USPL1: variants seen among roughly 807,000 people sequenced by gnomAD.
USPL1 encodes the protein ubiquitin specific peptidase like 1.
USPL1 carries 27 observed loss-of-function variants against 51.5 expected under a neutral mutation model. The ratio of observed to expected loss-of-function variants is 0.52; its 90% CI spans 0.39 to 0.72. The LOEUF (loss-of-function observed/expected upper bound fraction) is 0.72. Ranked by LOEUF, USPL1 falls within the 30% of genes least tolerant of loss-of-function variation. The pLI is 0.00. For synonymous variants in USPL1, 451 were observed against 459.6 expected, an observed-to-expected ratio of 0.98 and a Z score of 0.24; for missense variants, 1,226 against 1,268.0, an observed-to-expected ratio of 0.97 and a Z score of 0.50.
chr13:30,631,609 T>G, intron 4 of USPL1, 135 bp downstream of exon 4: 12 of 802,880 alleles, frequency 1.5e-5, no homozygotes, highest in Non-Finnish European at 2.1e-5. Flanking sequence ...CAGGTGGGCC[T>G]CCCACCTCAG....
At chr13:30,640,410 C>G (rs1358233722) in intron 5 of USPL1, among the ~76,000 whole-genome samples, 5 of 152,142 alleles carry the variant, frequency 3.3e-5, no homozygotes, top group Non-Finnish European at 7.3e-5. Context: ...TATTTTATGG[C>G]TGGGCCCGGT....
At chr13:30,624,473 C>T (rs1416270348) in intron 3 of USPL1, among the ~76,000 whole-genome samples, 1 of 152,038 alleles carries the variant, frequency 6.6e-6, no homozygotes, top group Non-Finnish European at 1.5e-5. Flanking sequence ...TTTAAATTAG[C>T]TGGGCATGGT....
In USPL1 at chr13:30,642,784, G is replaced by C. The variant is rs546974469; in HGVS notation, c.1112+27G>C. 5.1e-5 allele frequency: 81 copies of C among 1,600,372 alleles called. No individual in the cohort carries two copies. The South Asian group carries it at 7.5e-4, about 15-fold the overall frequency. ...TTAGTTTCTTTTGTTTTTTAAAATG[G>C]GTTCTTCTAGTTTCTCCACCACTAA... On this transcript the variant is annotated intron_variant, in intron 6 of 8. Coordinates refer to ENST00000255304, the MANE Select transcript of USPL1 (RefSeq NM_005800.5).
At chr13:30,633,737 C>T (rs575807028) in intron 4 of USPL1, among the ~76,000 whole-genome samples, 9 of 147,764 alleles carry the variant, frequency 6.1e-5, no homozygotes, top group South Asian at 2.1e-4. Flanking sequence ...CCTGGGATCA[C>T]GCCACTGCAC....
At position 30,658,498 on chromosome 13, in the gene USPL1, G is replaced by A; in HGVS notation, c.2421G>A (p.Lys807=). ...TTAAAACTAAAGGTATAAACCAGAA[G>A]GCCAGCCACGTATCCAAGAAAGCTC... ...GGFKTKGINQ[K]ASHVSKKARK... is the part of the protein sequence containing the mutation. Residue 807 remains lysine, a synonymous_variant, in exon 9 of 9, where the codon AAG becomes AAA. Coordinates refer to ENST00000255304, the MANE Select transcript of USPL1 (RefSeq NM_005800.5). 1.2e-6 allele frequency: 2 copies of A among 1,613,954 alleles called. No homozygotes were observed. The highest frequency in any genetic ancestry group is 1.7e-6 in the Non-Finnish European group (2 of 1,180,026).
At chr13:30,653,913 C>T (rs1951125188) in intron 8 of USPL1, among the ~76,000 whole-genome samples, 1 of 152,156 alleles carries the variant, frequency 6.6e-6, no homozygotes, top group Non-Finnish European at 1.5e-5. Context: ...TTGATAAGGG[C>T]TCACTTTGAT....
chr13:30,635,096 G>T (rs532751791), intron 4 of USPL1, among the ~76,000 whole-genome samples: 44 of 152,308 alleles, frequency 2.9e-4, no homozygotes, highest in African/African-American at 9.9e-4. Flanking sequence ...AGTTACATCA[G>T]ATGTGTTGCT....
intron 3 of USPL1, among the ~76,000 whole-genome samples, chr13:30,629,001 T>C (rs546403505): frequency 1.4e-4 from 22 of 152,352 alleles, no homozygotes; most frequent in Middle Eastern, 3.4e-3. Context: ...CAAAGCATCA[T>C]GTTGACAGGT....
intron 3 of USPL1, among the ~76,000 whole-genome samples, chr13:30,627,240 A>G (rs1358247554): frequency 6.6e-6 from 1 of 152,214 alleles, no homozygotes; most frequent in Non-Finnish European, 1.5e-5. Flanking sequence ...AAAATGATAC[A>G]TGTTCACTGT....
At chr13:30,651,256 TAAG>T (rs1222056073) in intron 7 of USPL1, among the ~76,000 whole-genome samples, 2 of 152,204 alleles carry the variant, frequency 1.3e-5, no homozygotes, top group Non-Finnish European at 2.9e-5. Context: ...TTTTGCTGGT[TAAG>T]AAAATCAAAT....
chr13:30,644,116 C>T lies in USPL1; in HGVS notation c.1112+1359C>T, dbSNP rs915594560. 1.3e-4 allele frequency among the ~76,000 whole-genome samples: 19 copies of T among 151,680 alleles called. 1 individual carries two copies. Among genetic ancestry groups the T allele is most frequent in the African/African-American group, 4.6e-4 (19 of 41,300 alleles). On this transcript the variant is annotated intron_variant, in intron 6 of 8. Transcript: ENST00000255304. ...TGGCCAACATGGTGAAACGCTGTCT[C>T]TACTGAAAATACAAAAATTAGCCGG...
Position 30,657,581 on chromosome 13 carries a change from T to A in USPL1, c.1504T>A (p.Ser502Thr). The A allele has an allele frequency of 6.2e-7, 1 of 1,614,128 alleles. No homozygotes were observed. Among genetic ancestry groups the A allele is most frequent in the South Asian group, 1.1e-5 (1 of 91,078 alleles). ...TATTGTTATTTGGGAAAGAAAAATA[T>A]CCCAAGTGACAGATAAAGAAGCTGC... ...IHIVIWERKISQVTDKEAACL... is the reference protein window; with the variant it reads ...IHIVIWERKITQVTDKEAACL... The change falls in exon 9 of 9, where the codon TCC becomes ACC. Residue 502 changes from serine (S) to threonine (T), a missense_variant. Ser to Thr is a moderately conservative substitution (Grantham distance 58). Transcript: ENST00000255304.
intron 6 of USPL1, 77 bp downstream of exon 6, chr13:30,642,834 A>G (rs889367327): frequency 4.6e-6 from 7 of 1,518,080 alleles, no homozygotes; most frequent in Non-Finnish European, 6.2e-6. Context: ...TTTGAGCACC[A>G]GACACTACAG....
chr13:30,643,679 G>C (rs1027597531), intron 6 of USPL1, among the ~76,000 whole-genome samples: 113 of 133,234 alleles, frequency 8.5e-4, no homozygotes, highest in Non-Finnish European at 1.3e-3. Context: ...GCGTGATCCC[G>C]GCTCACTGCA....
chr13:30,624,661 G>A (rs1349489833), intron 3 of USPL1, among the ~76,000 whole-genome samples: 1 of 152,114 alleles, frequency 6.6e-6, no homozygotes. Context: ...TCCAGGAAAG[G>A]CTATGAAGAG....
In USPL1 at chr13:30,656,784, G is replaced by T. The variant is rs1159549418; in HGVS notation, c.1397-690G>T. On this transcript the variant is annotated intron_variant, in intron 8 of 8. Transcript: ENST00000255304. Reference sequence around the variant, plus strand: ...GTTGTACTATTTTACATCCCCACCAGCGTTACACAAGGATTCCAATTTCTC... The same window carrying T: ...GTTGTACTATTTTACATCCCCACCATCGTTACACAAGGATTCCAATTTCTC... 2.0e-5 allele frequency among the ~76,000 whole-genome samples: 3 copies of T among 151,918 alleles called. No individual in the cohort carries two copies. In the East Asian group the frequency reaches 5.8e-4, roughly 29 times the overall value.
In USPL1 at chr13:30,658,789, T is replaced by C. The variant is rs773197756; in HGVS notation, c.2712T>C (p.Ala904=). 31 of 1,613,988 alleles carry C rather than the reference T, an allele frequency of 1.9e-5. No homozygotes were observed. In the South Asian group the frequency reaches 3.2e-4, roughly 17 times the overall value. ...KKLKAEKKKL[A]ALMSSPQSRT... is the part of the protein sequence containing the mutation. ...TAAAGGCAGAAAAGAAGAAATTAGC[T>C]GCTCTTATGTCTTCCCCGCAAAGCA... The change falls in exon 9 of 9, where the codon GCT becomes GCC. Residue 904 remains alanine (A), a synonymous_variant. Coordinates refer to ENST00000255304, the MANE Select transcript of USPL1 (RefSeq NM_005800.5).
At position 30,631,394 on chromosome 13, in the gene USPL1, A is replaced by C. The variant is rs1405083782; in HGVS notation, c.788A>C (p.Glu263Ala). The change falls in exon 4 of 9, where the codon GAA becomes GCA. Residue 263 changes from glutamate to alanine, a missense_variant. Glu to Ala is a moderately radical substitution (Grantham distance 107). Coordinates refer to ENST00000255304, the MANE Select transcript of USPL1 (RefSeq NM_005800.5). ...NTVTGLCSKEESIFWRLLTKY... is the reference protein window; with the variant it reads ...NTVTGLCSKEASIFWRLLTKY... ...GTGACTGGACTGTGCTCGAAGGAGG[A>C]ATCTATATTCTGGCGGTTGCTTACA... 1 of 1,614,250 alleles carries C rather than the reference A, an allele frequency of 6.2e-7. No individual in the cohort carries two copies.
At chr13:30,647,193 G>A (rs1951029323) in intron 7 of USPL1, 136 bp downstream of exon 7, 1 of 1,026,992 alleles carries the variant, frequency 9.7e-7, no homozygotes, top group Non-Finnish European at 1.4e-6. Flanking sequence ...TGGGTTGCCA[G>A]CTGCCTCGCT....
Sources: allele counts gnomAD v4.1 joint callset (sites outside exome capture counted in the v4.1 genomes callset), GRCh38; gene constraint gnomAD v4.1.1; transcripts MANE v1.5; gene names NCBI Gene and HGNC (gene_info 2026-07-23, HGNC 2026-07-21).